PGM3: variants seen among roughly 807,000 people sequenced by gnomAD.
The protein encoded by PGM3 is phosphoglucomutase 3.
In PGM3, 40 loss-of-function variants were observed where a neutral mutation model predicts 66.2. The ratio of observed to expected loss-of-function variants is 0.60; its 90% CI spans 0.47 to 0.79. PGM3 has a LOEUF of 0.79. Among genes scored for constraint, PGM3 ranks in the 30% least tolerant of loss-of-function variants. The pLI is 0.00. For synonymous variants in PGM3, 191 were observed against 224.2 expected (o/e 0.85, Z 1.32); for missense variants, 537 against 643.4 (o/e 0.83, Z 1.79).
intron 12 of PGM3, 68 bp downstream of exon 12, chr6:83,170,237 C>A: frequency 7.1e-7 from 1 of 1,418,108 alleles, no homozygotes; most frequent in South Asian, 1.2e-5. Context: ...TTCTAAAAAC[C>A]ATTAAAATAG....
the PGM3 span, chr6:83,155,912 A>G: frequency 4.4e-6 from 7 of 1,588,096 alleles, no homozygotes; most frequent in Non-Finnish European, 6.0e-6. Flanking sequence ...ATCTTTCTTC[A>G]GATGACAGTG....
intron 5 of PGM3, among the ~76,000 whole-genome samples, chr6:83,182,550 C>T (rs970731573): frequency 2.0e-5 from 3 of 152,162 alleles, no homozygotes; most frequent in African/African-American, 4.8e-5. Flanking sequence ...CCTACATTAA[C>T]TAAGATCAAA....
At chr6:83,153,082 GAAC>G in the PGM3 span, among the ~76,000 whole-genome samples, 1 of 152,230 alleles carries the variant, frequency 6.6e-6, no homozygotes, top group East Asian at 1.9e-4. Context: ...ACAAAGATCA[GAAC>G]AATAGGACTA....
the PGM3 span, chr6:83,151,534 C>A: frequency 2.9e-4 from 402 of 1,364,520 alleles, 1 homozygote; most frequent in African/African-American, 5.4e-3. Context: ...GAAATTAGAT[C>A]GCATTAGTTT....
chr6:83,184,268 A>G (rs886963646), intron 4 of PGM3, among the ~76,000 whole-genome samples: 1 of 152,224 alleles, frequency 6.6e-6, no homozygotes, highest in African/African-American at 2.4e-5. Context: ...CTCAGTGACT[A>G]CACCTGTCAG....
In PGM3 at chr6:83,171,785, C is replaced by T. The variant is rs779619125; in HGVS notation, c.1365+152G>A. The stretch of plus-strand genomic sequence containing the variant: ...TAAAGGCATGAGCCACGAGCTACTG[C>T]GCTTGGCCCATAAGGCCTTATTTTC... On this transcript the variant is annotated intron_variant, in intron 11 of 12. Transcript: ENST00000513973. The T allele has an allele frequency of 3.7e-5, 22 of 591,040 alleles. 1 individual carries two copies. The highest frequency in any genetic ancestry group is 9.8e-5 in the South Asian group (4 of 40,750). The allele number at this position is 591,040 out of a possible 1,614,324, so 36.6% of individuals were successfully genotyped here.
intron 9 of PGM3, among the ~76,000 whole-genome samples, chr6:83,175,056 C>G: frequency 6.6e-6 from 1 of 152,106 alleles, no homozygotes; most frequent in Non-Finnish European, 1.5e-5. Flanking sequence ...TTCTAGAGGC[C>G]TAATACTGAG....
chr6:83,185,742 A>C (rs1240055297), intron 4 of PGM3, among the ~76,000 whole-genome samples: 5 of 152,268 alleles, frequency 3.3e-5, no homozygotes, highest in African/African-American at 1.2e-4. Flanking sequence ...CTGGCGACAA[A>C]GTGAGACTCC....
At chr6:83,155,477 T>C in the PGM3 span, among the ~76,000 whole-genome samples, 1 of 151,492 alleles carries the variant, frequency 6.6e-6, no homozygotes, top group African/African-American at 2.4e-5. Context: ...AAAATACAAA[T>C]AAATTGCAAA....
the PGM3 span, among the ~76,000 whole-genome samples, chr6:83,153,030 T>C: frequency 2.6e-5 from 4 of 152,210 alleles, no homozygotes; most frequent in South Asian, 2.1e-4. Context: ...ATTATACACA[T>C]GTCATTTTGT....
intron 1 of PGM3, chr6:83,191,292 C>G: frequency 1.3e-5 from 19 of 1,464,644 alleles, no homozygotes; most frequent in Non-Finnish European, 1.8e-5. Flanking sequence ...CTATCCTGGA[C>G]GCCGGGCACA....
chr6:83,157,192 T>C, downstream of PGM3: 1 of 1,613,130 alleles, frequency 6.2e-7, no homozygotes, highest in Non-Finnish European at 8.5e-7. Context: ...AGAGATTGGT[T>C]GAGAGTCTCC....
chr6:83,193,331 T>TCCGCCAGCC (rs3830855), upstream of PGM3: 31,947 of 152,004 alleles, frequency 0.21, 3,455 homozygotes, highest in Non-Finnish European at 0.23. Flanking sequence ...CAGAGGACTA[T>TCCGCCAGCC]CCGCCAGCCC....
chr6:83,157,499 A>T (rs1783056421), downstream of PGM3, among the ~76,000 whole-genome samples: 1 of 152,238 alleles, frequency 6.6e-6, no homozygotes, highest in Admixed American at 6.5e-5. Context: ...CATACAGCTT[A>T]AATTTACAAA....
intron 1 of PGM3, chr6:83,191,218 C>A (rs1418276932): frequency 6.5e-7 from 1 of 1,535,378 alleles, no homozygotes; most frequent in East Asian, 2.4e-5. Context: ...GGTATGTCCA[C>A]TCCTGGGCAG....
rs774938988 is a variant in PGM3 at position 83,170,306 on chromosome 6, T to A, written c.1538A>T (p.Gln513Leu). 6.2e-7 allele frequency: 1 copy of A among 1,614,004 alleles called. No homozygotes were observed. The highest frequency in any genetic ancestry group is 8.5e-7 in the Non-Finnish European group (1 of 1,179,872). ...VVRVYAEADS[Q>L]ESADHLAHEV... The stretch of plus-strand genomic sequence containing the variant: ...TTCAATAGAACTATCCCAGCTTACT[T>A]GTGAGTCTGCTTCTGCATATACTCG... Residue 513 changes from glutamine to leucine, a missense_variant and splice_region_variant, in exon 12 of 13, where the codon CAA becomes CTA. Transcript: ENST00000513973.
Position 83,165,701 on chromosome 6 carries a change from G to T in PGM3, c.*3533C>A. The T allele has an allele frequency of 4.3e-6, 1 of 231,812 alleles. No homozygotes were observed. The highest frequency in any genetic ancestry group is 9.1e-6 in the Non-Finnish European group (1 of 110,314). 14.4% of individuals were successfully genotyped at this position (231,812 alleles called of 1,614,324 possible). On this transcript the variant is annotated 3_prime_UTR_variant, in exon 13 of 13. Transcript: ENST00000513973. ...AGAAGTGGTAGTTTGTTGGCAAGAG[G>T]TCAGGTGAATATGGCAGATGAGGCA... is the stretch of plus-strand genomic sequence containing the variant.
chr6:83,163,159 C>CTT (rs1196165247), downstream of PGM3, among the ~76,000 whole-genome samples: 4 of 151,944 alleles, frequency 2.6e-5, no homozygotes, highest in African/African-American at 9.7e-5. Flanking sequence ...AAAAGGAAGG[C>CTT]TTTTGTACAT....
Position 83,169,217 on chromosome 6 carries a change from GA to G in PGM3, c.*16del. 6.2e-7 allele frequency: 1 copy of G among 1,613,608 alleles called. No individual in the cohort carries two copies. The highest frequency in any genetic ancestry group is 8.5e-7 in the Non-Finnish European group (1 of 1,179,772). ...ACTTGTAAAAAGTCCAGTTTCTCAG[GA>G]ATATGAAAATTATCTTCAGAAACCT... On this transcript the variant is annotated 3_prime_UTR_variant, in exon 13 of 13. Transcript: ENST00000513973.
Sources: allele counts gnomAD v4.1 joint callset (sites outside exome capture counted in the v4.1 genomes callset), GRCh38; gene constraint gnomAD v4.1.1; transcripts MANE v1.5; gene names NCBI Gene and HGNC (gene_info 2026-07-23, HGNC 2026-07-21).